The following AFDN variants were observed in gnomAD, a reference collection of about 807,000 sequenced individuals.
AFDN encodes the protein afadin, adherens junction formation factor.
AFDN carries 68 observed loss-of-function variants against 216.6 expected under a neutral mutation model. That is an observed-to-expected ratio of 0.31 (90% CI 0.26 to 0.38). The LOEUF is 0.38. Among genes scored for constraint, AFDN ranks in the 10% least tolerant of loss-of-function variants. The probability of loss-of-function intolerance (pLI) is 1.00; values close to 1 mark genes in which losing one functional copy is unlikely to be tolerated. For missense variants in AFDN, 2,136 were observed against 2,342.0 expected, an observed-to-expected ratio of 0.91 and a Z score of 1.82; for synonymous variants, 868 against 853.7, an observed-to-expected ratio of 1.02 and a Z score of -0.29.
intron 1 of AFDN, among the ~76,000 whole-genome samples, chr6:167,841,099 G>C (rs1033008572): frequency 6.6e-6 from 1 of 152,200 alleles, no homozygotes; most frequent in East Asian, 1.9e-4. Flanking sequence ...GGAGACTGAC[G>C]AGGAGAGAAA....
intron 1 of AFDN, among the ~76,000 whole-genome samples, chr6:167,851,962 T>C (rs113674667): frequency 2.8e-4 from 43 of 152,368 alleles, no homozygotes; most frequent in Non-Finnish European, 5.3e-4. Context: ...TTTTTTAGCG[T>C]GAAAATTTTC....
intron 10 of AFDN, among the ~76,000 whole-genome samples, 196 bp downstream of exon 10, chr6:167,897,168 C>T (rs1788366297): frequency 6.6e-6 from 1 of 152,182 alleles, no homozygotes; most frequent in African/African-American, 2.4e-5. Context: ...TGTTCAAGTT[C>T]CACCTCTAGA....
chr6:167,957,092 G>A (rs920020618), intron 30 of AFDN, among the ~76,000 whole-genome samples: 19 of 152,026 alleles, frequency 1.2e-4, no homozygotes, highest in Admixed American at 1.2e-3. Flanking sequence ...TTGGGCCGTC[G>A]GGAGGGTCCC....
At chr6:167,852,097 C>A (rs1782381902) in intron 1 of AFDN, among the ~76,000 whole-genome samples, 1 of 152,130 alleles carries the variant, frequency 6.6e-6, no homozygotes, top group Non-Finnish European at 1.5e-5. Context: ...TTCTTCCCTA[C>A]TTCAGTGTGC....
At chr6:167,967,924 C>T (rs1797720029) in intron 32 of AFDN, among the ~76,000 whole-genome samples, 1 of 152,064 alleles carries the variant, frequency 6.6e-6, no homozygotes, top group South Asian at 2.1e-4. Context: ...GTGAGAGGAG[C>T]AGCATTAGGA....
Position 167,970,293 on chromosome 6 carries a change from C to A in AFDN, c.*358C>A. On this transcript the variant is annotated 3_prime_UTR_variant, in exon 34 of 34. Coordinates refer to ENST00000683244, the MANE Select transcript of AFDN (RefSeq NM_001386888.1). ...TCTCCCATCTTCCCCTCATCATCGA[C>A]CGAGGAGCACAAAGAAGTTCTGTTT... The A allele has an allele frequency of 3.7e-6, 1 of 270,914 alleles. No individual in the cohort carries two copies. Among genetic ancestry groups the A allele is most frequent in the Non-Finnish European group, 6.9e-6 (1 of 144,574 alleles). 16.8% of individuals were successfully genotyped at this position (270,914 alleles called of 1,614,324 possible). A position where few individuals can be genotyped will look rare whatever the true frequency, so the allele number is the denominator to read the frequency against.
intron 16 of AFDN, chr6:167,913,919 A>G: frequency 2.0e-6 from 1 of 503,096 alleles, no homozygotes. Flanking sequence ...GATTCCATCT[A>G]TAAATTGTAG....
chr6:167,868,945 T>C (rs1014711996), intron 2 of AFDN, among the ~76,000 whole-genome samples: 7 of 151,590 alleles, frequency 4.6e-5, no homozygotes, highest in Non-Finnish European at 1.0e-4. Context: ...TCTTCTTCTT[T>C]TTTTTTTTTC....
chr6:167,889,651 G>A (rs1448696277), intron 7 of AFDN, among the ~76,000 whole-genome samples: 1 of 152,138 alleles, frequency 6.6e-6, no homozygotes, highest in African/African-American at 2.4e-5. Flanking sequence ...GCTTTTTGCT[G>A]TAGAGCTTTC....
chr6:167,949,774 A>G (rs377434046), intron 29 of AFDN, among the ~76,000 whole-genome samples: 1 of 152,202 alleles, frequency 6.6e-6, no homozygotes, highest in African/African-American at 2.4e-5. Flanking sequence ...TCCCATTTTT[A>G]TGCACAGTAT....
chr6:167,967,226 AT>A (rs1443464153), intron 32 of AFDN, among the ~76,000 whole-genome samples: 1 of 152,224 alleles, frequency 6.6e-6, no homozygotes, highest in African/African-American at 2.4e-5. Flanking sequence ...TAAATCCTGC[AT>A]CATTCTGCAT....
chr6:167,862,948 C>A (rs559041737), intron 1 of AFDN, among the ~76,000 whole-genome samples: 1 of 152,156 alleles, frequency 6.6e-6, no homozygotes, highest in Non-Finnish European at 1.5e-5. Context: ...TTTGTATTTT[C>A]TCTTGGTATA....
At chr6:167,964,134 T>C (rs1484128474) in intron 31 of AFDN, 1 of 1,063,526 alleles carries the variant, frequency 9.4e-7, no homozygotes, top group Non-Finnish European at 1.1e-6. Flanking sequence ...CATGATTATT[T>C]GAAATACACT....
intron 1 of AFDN, among the ~76,000 whole-genome samples, chr6:167,832,434 G>A (rs946832153): frequency 6.6e-6 from 1 of 152,104 alleles, no homozygotes; most frequent in African/African-American, 2.4e-5. Context: ...AGGTGGCAAG[G>A]GAGATCTTTG....
chr6:167,943,997 A>G lies in AFDN; in HGVS notation c.3296A>G (p.Gln1099Arg). 6.2e-7 allele frequency: 1 copy of G among 1,614,206 alleles called. No individual in the cohort carries two copies. Among genetic ancestry groups the G allele is most frequent in the Non-Finnish European group, 8.5e-7 (1 of 1,180,028 alleles). The change falls in exon 26 of 34, where the codon CAG (glutamine) becomes CGG (arginine). Residue 1099 changes from glutamine (Q) to arginine (R), a missense_variant. Transcript: ENST00000683244. ...SSVVTLEVAK[Q>R]GAIYHGLATL... Reference sequence around the variant, plus strand: ...GTGGTGACACTGGAAGTAGCAAAGCAGGGTGCCATCTACCACGGTCTGGCC... The same window carrying G: ...GTGGTGACACTGGAAGTAGCAAAGCGGGGTGCCATCTACCACGGTCTGGCC...
At chr6:167,901,186 T>C (rs1002367422) in intron 11 of AFDN, among the ~76,000 whole-genome samples, 6 of 152,208 alleles carry the variant, frequency 3.9e-5, no homozygotes, top group Admixed American at 6.5e-5. Flanking sequence ...AGACCATATA[T>C]TAATATTTTT....
intron 1 of AFDN, among the ~76,000 whole-genome samples, chr6:167,836,805 A>G (rs1426877512): frequency 1.3e-5 from 2 of 152,222 alleles, no homozygotes; most frequent in African/African-American, 2.4e-5. Flanking sequence ...GTTTTAATTT[A>G]TCAGAACAAT....
chr6:167,871,200 C>G (rs540790614), intron 3 of AFDN, among the ~76,000 whole-genome samples: 2 of 129,766 alleles, frequency 1.5e-5, no homozygotes, highest in South Asian at 2.5e-4. Context: ...TGTCACTGTT[C>G]CATGTTGAAG....
chr6:167,898,293 A>G lies in AFDN; in HGVS notation c.1406A>G (p.Glu469Gly), dbSNP rs1334218166. ...VTVTPRSMDA[E>G]TYVEGQRISE... ...GTGACGCCCAGAAGTATGGACGCAG[A>G]AACCTACGTGGAAGGCCAGCGCATC... The change falls in exon 11 of 34, where the codon GAA (glutamate) becomes GGA (glycine). Residue 469 changes from glutamate to glycine, a missense_variant. By Grantham distance (98) the Glu-to-Gly change is moderately conservative. This residue lies in a region of AFDN where 817 missense variants were observed against 965.7 expected (regional missense o/e 0.85). Coordinates refer to ENST00000683244, the MANE Select transcript of AFDN (RefSeq NM_001386888.1). 1.2e-6 allele frequency: 2 copies of G among 1,614,176 alleles called. No homozygotes were observed. Among genetic ancestry groups the G allele is most frequent in the Non-Finnish European group, 1.7e-6 (2 of 1,180,022 alleles).
Sources: gnomAD v4.1 joint callset for allele counts (sites outside exome capture counted in the v4.1 genomes callset) on GRCh38, gnomAD v4.1.1 for gene constraint, gnomAD v4.1.1 regional missense constraint, MANE v1.5 for transcripts, NCBI Gene and HGNC (gene_info 2026-07-23, HGNC 2026-07-21) for gene names.